MACROD2: variants seen among roughly 807,000 people sequenced by gnomAD.
MACROD2 encodes the protein mono-ADP ribosylhydrolase 2.
In MACROD2, 36 loss-of-function variants were observed where a neutral mutation model predicts 70.4. That is an observed-to-expected ratio of 0.51 (90% CI 0.39 to 0.68). The LOEUF (loss-of-function observed/expected upper bound fraction) is 0.68. Among genes scored for constraint, MACROD2 ranks in the 30% least tolerant of loss-of-function variants. The probability of loss-of-function intolerance (pLI) is 0.00; values close to 1 mark genes in which losing one functional copy is unlikely to be tolerated. For missense variants in MACROD2, 496 were observed against 538.4 expected (o/e 0.92, Z 0.78); for synonymous variants, 172 against 178.8 (o/e 0.96, Z 0.30).
Position 14,875,063 on chromosome 20 carries a change from T to G in MACROD2, c.418+190104T>G, listed in dbSNP as rs151211385. Among the ~76,000 whole-genome samples the G allele has an allele frequency of 1.7e-3, 251 of 152,116 alleles. 1 individual carries two copies. Among genetic ancestry groups the G allele is most frequent in the African/African-American group, 5.7e-3 (235 of 41,512 alleles). On this transcript the variant is annotated intron_variant, in intron 5 of 17. Coordinates refer to ENST00000684519, the MANE Select transcript of MACROD2 (RefSeq NM_001351661.2). Reference sequence around the variant, plus strand: ...TTTAGACAAAAGAGATATATTGACTTTGTGTGTTGATGGTTTCAATTTAGA... The same window carrying G: ...TTTAGACAAAAGAGATATATTGACTGTGTGTGTTGATGGTTTCAATTTAGA...
intron 5 of MACROD2, among the ~76,000 whole-genome samples, chr20:15,113,884 A>G (rs1027920358): frequency 1.3e-5 from 2 of 151,848 alleles, no homozygotes; most frequent in African/African-American, 4.8e-5. Context: ...GAAAGCTCCA[A>G]ATTATTCCAA....
intron 3 of MACROD2, among the ~76,000 whole-genome samples, chr20:14,286,642 A>T (rs900313661): frequency 6.6e-6 from 1 of 152,178 alleles, no homozygotes; most frequent in African/African-American, 2.4e-5. Context: ...TCCATTATAT[A>T]TAATGGCTTA....
chr20:14,919,918 T>G (rs1164331441), intron 5 of MACROD2, among the ~76,000 whole-genome samples: 1 of 152,016 alleles, frequency 6.6e-6, no homozygotes, highest in Non-Finnish European at 1.5e-5. Flanking sequence ...TCAAAGCAAC[T>G]CCTATGAGCA....
chr20:14,722,755 A>C (rs2071484589), intron 5 of MACROD2, among the ~76,000 whole-genome samples: 1 of 152,224 alleles, frequency 6.6e-6, no homozygotes, highest in African/African-American at 2.4e-5. Flanking sequence ...AAACAAAGCT[A>C]ATAAAATTCT....
intron 4 of MACROD2, among the ~76,000 whole-genome samples, chr20:14,563,402 T>C (rs560782516): frequency 2.0e-5 from 3 of 151,972 alleles, no homozygotes; most frequent in Non-Finnish European, 2.9e-5. Flanking sequence ...TATTTAAACG[T>C]TAGCAGTTAT....
chr20:14,167,019 C>T (rs1432323353), intron 3 of MACROD2, among the ~76,000 whole-genome samples: 1 of 152,198 alleles, frequency 6.6e-6, no homozygotes, highest in African/African-American at 2.4e-5. Flanking sequence ...GGTTTTGGTT[C>T]CAGTCCTTCA....
intron 6 of MACROD2, among the ~76,000 whole-genome samples, chr20:15,254,759 A>C (rs991646874): frequency 6.6e-6 from 1 of 152,082 alleles, no homozygotes; most frequent in Admixed American, 6.6e-5. Context: ...TAACAAAGAA[A>C]CAGAGAATCA....
At chr20:15,571,729 T>G (rs1000111834) in intron 8 of MACROD2, among the ~76,000 whole-genome samples, 1 of 152,124 alleles carries the variant, frequency 6.6e-6, no homozygotes, top group Admixed American at 6.6e-5. Flanking sequence ...CTTGTGTTAT[T>G]TGAACTTGGA....
intron 2 of MACROD2, among the ~76,000 whole-genome samples, chr20:14,002,877 T>A (rs1244690113): frequency 6.6e-6 from 1 of 152,256 alleles, no homozygotes; most frequent in Non-Finnish European, 1.5e-5. Flanking sequence ...TGTGTTATTA[T>A]GTCTGTATGT....
intron 5 of MACROD2, among the ~76,000 whole-genome samples, chr20:14,992,657 A>G (rs1437582901): frequency 6.6e-6 from 1 of 152,198 alleles, no homozygotes; most frequent in Non-Finnish European, 1.5e-5. Flanking sequence ...CTTTTAAAAG[A>G]TGACATGATT....
At chr20:14,572,076 C>T (rs1282620557) in intron 4 of MACROD2, among the ~76,000 whole-genome samples, 1 of 151,980 alleles carries the variant, frequency 6.6e-6, no homozygotes, top group Non-Finnish European at 1.5e-5. Context: ...TTCTTTGCCA[C>T]CTAGATTTTA....
chr20:15,274,432 T>A (rs2077372887), intron 6 of MACROD2, among the ~76,000 whole-genome samples: 1 of 152,220 alleles, frequency 6.6e-6, no homozygotes. Flanking sequence ...GTGAAGTTAG[T>A]CTTTCTCCTG....
intron 10 of MACROD2, among the ~76,000 whole-genome samples, chr20:15,924,931 G>A (rs2065466891): frequency 6.6e-6 from 1 of 152,192 alleles, no homozygotes; most frequent in African/African-American, 2.4e-5. Context: ...ACAGAGAAAT[G>A]TAATTTTTAG....
chr20:14,729,330 A>G (rs2123698925), intron 5 of MACROD2, among the ~76,000 whole-genome samples: 1 of 152,318 alleles, frequency 6.6e-6, no homozygotes, highest in African/African-American at 2.4e-5. Flanking sequence ...TGACTAGACT[A>G]GATATGTTGA....
intron 2 of MACROD2, among the ~76,000 whole-genome samples, chr20:14,057,805 A>G (rs1269478872): frequency 6.6e-6 from 1 of 152,220 alleles, no homozygotes; most frequent in Non-Finnish European, 1.5e-5. Flanking sequence ...AGATTATGGT[A>G]GATTTAATTC....
At chr20:15,252,556 G>C (rs1371501713) in intron 6 of MACROD2, among the ~76,000 whole-genome samples, 4 of 152,168 alleles carry the variant, frequency 2.6e-5, no homozygotes, top group Non-Finnish European at 5.9e-5. Flanking sequence ...TCATTAACTA[G>C]AAGAAGTCAT....
chr20:14,501,724 A>G (rs1269690905), intron 4 of MACROD2, among the ~76,000 whole-genome samples: 1 of 152,188 alleles, frequency 6.6e-6, no homozygotes, highest in Non-Finnish European at 1.5e-5. Context: ...TAGGAATTAA[A>G]GGTTGTAAAG....
chr20:14,896,163 T>C (rs2073826456), intron 5 of MACROD2, among the ~76,000 whole-genome samples: 1 of 151,996 alleles, frequency 6.6e-6, no homozygotes, highest in Non-Finnish European at 1.5e-5. Flanking sequence ...GGCGTGGTGG[T>C]GGGCGCCTGT....
chr20:15,507,181 T>C (rs1019074198), intron 8 of MACROD2, among the ~76,000 whole-genome samples: 3 of 152,166 alleles, frequency 2.0e-5, no homozygotes, highest in African/African-American at 7.2e-5. Context: ...AGAACACTGA[T>C]GACTTGCTAA....
Sources: allele counts gnomAD v4.1 joint callset (sites outside exome capture counted in the v4.1 genomes callset), GRCh38; gene constraint gnomAD v4.1.1; transcripts MANE v1.5; gene names NCBI Gene and HGNC (gene_info 2026-07-23, HGNC 2026-07-21).